The following LPP variants were observed in gnomAD, a reference collection of about 807,000 sequenced individuals.
LPP encodes LIM domain containing preferred translocation partner in lipoma.
In LPP, 38 loss-of-function variants were observed where a neutral mutation model predicts 60.4. The ratio of observed to expected loss-of-function variants is 0.63; its 90% CI spans 0.49 to 0.83. The LOEUF (loss-of-function observed/expected upper bound fraction) is 0.83. Ranked by LOEUF, LPP falls within the 40% of genes least tolerant of loss-of-function variation. The probability of loss-of-function intolerance (pLI) is 0.00; values close to 1 mark genes in which losing one functional copy is unlikely to be tolerated. For missense variants in LPP, 902 were observed against 783.6 expected (o/e 1.15, Z -1.80); for synonymous variants, 328 against 290.8 (o/e 1.13, Z -1.30).
chr3:188,633,130 T>C (rs1180650438), intron 7 of LPP, among the ~76,000 whole-genome samples: 9 of 152,184 alleles, frequency 5.9e-5, no homozygotes, highest in African/African-American at 1.9e-4. Flanking sequence ...GTTGATTACT[T>C]CAATCTTGAA....
intron 9 of LPP, among the ~76,000 whole-genome samples, chr3:188,792,286 G>C (rs1744017399): frequency 6.6e-6 from 1 of 152,220 alleles, no homozygotes; most frequent in East Asian, 1.9e-4. Context: ...CTTAGTTTCA[G>C]CTCCAATCAG....
intron 6 of LPP, among the ~76,000 whole-genome samples, chr3:188,581,224 A>G (rs879461491): frequency 4.6e-5 from 7 of 152,038 alleles, no homozygotes; most frequent in African/African-American, 7.2e-5. Flanking sequence ...ATAAAGGTTC[A>G]AGCAGAACCA....
At chr3:188,210,728 G>T (rs944096493) in intron 1 of LPP, among the ~76,000 whole-genome samples, 6 of 152,160 alleles carry the variant, frequency 3.9e-5, no homozygotes, top group Admixed American at 1.3e-4. Context: ...TTGGTCTTTG[G>T]TTTTTAAAGC....
intron 9 of LPP, among the ~76,000 whole-genome samples, chr3:188,791,427 ATG>A (rs1236857569): frequency 3.6e-5 from 4 of 112,460 alleles, no homozygotes; most frequent in African/African-American, 9.5e-5. Context: ...ACTTCTTCAC[ATG>A]TTTCTGTTTC....
At chr3:188,205,277 CTTTTTTTTTTTT>C (rs34713244) in intron 1 of LPP, among the ~76,000 whole-genome samples, 4 of 103,418 alleles carry the variant, frequency 3.9e-5, no homozygotes, top group African/African-American at 1.1e-4. Context: ...AGATTATAAT[CTTTTTTTTTTTT>C]TTTTTTTTTT....
chr3:188,470,879 G>C (rs891376350), intron 4 of LPP, among the ~76,000 whole-genome samples: 8 of 152,154 alleles, frequency 5.3e-5, no homozygotes, highest in Non-Finnish European at 8.8e-5. Flanking sequence ...TGCAGTATTA[G>C]TCTCAAAGGA....
chr3:188,805,181 A>G (rs1748706089), intron 9 of LPP, among the ~76,000 whole-genome samples: 1 of 151,914 alleles, frequency 6.6e-6, no homozygotes, highest in Non-Finnish European at 1.5e-5. Flanking sequence ...ATTTGACTAG[A>G]TTTGTTATCA....
intron 7 of LPP, among the ~76,000 whole-genome samples, chr3:188,614,774 A>G (rs1560646644): frequency 6.6e-6 from 1 of 152,252 alleles, no homozygotes; most frequent in South Asian, 2.1e-4. Flanking sequence ...GCCAGTGTAC[A>G]TGGCTCCACT....
At chr3:188,260,657 T>C (rs1733274724) in intron 2 of LPP, among the ~76,000 whole-genome samples, 1 of 152,128 alleles carries the variant, frequency 6.6e-6, no homozygotes, top group Admixed American at 6.5e-5. Flanking sequence ...GTTGTTGTTT[T>C]TTAAGGCAAC....
At chr3:188,439,049 G>A (rs943587058) in intron 4 of LPP, among the ~76,000 whole-genome samples, 11 of 152,066 alleles carry the variant, frequency 7.2e-5, no homozygotes, top group Non-Finnish European at 1.3e-4. Context: ...AAAGAACTCT[G>A]CAAATTGTTA....
intron 6 of LPP, among the ~76,000 whole-genome samples, chr3:188,554,613 C>T (rs1829025211): frequency 6.6e-6 from 1 of 152,186 alleles, no homozygotes; most frequent in African/African-American, 2.4e-5. Context: ...ACAGCTGCCT[C>T]CCAAGTTTAA....
At chr3:188,229,050 G>A (rs1462063641) in intron 2 of LPP, among the ~76,000 whole-genome samples, 1 of 152,150 alleles carries the variant, frequency 6.6e-6, no homozygotes, top group Non-Finnish European at 1.5e-5. Context: ...TTCCTCCTCC[G>A]GGTTGGATGG....
At chr3:188,515,811 G>A (rs181717194) in intron 5 of LPP, among the ~76,000 whole-genome samples, 6 of 152,290 alleles carry the variant, frequency 3.9e-5, no homozygotes, top group African/African-American at 1.2e-4. Context: ...GGATTTTAGG[G>A]AAGGGGACTG....
chr3:188,494,755 C>A (rs933577961), intron 5 of LPP, among the ~76,000 whole-genome samples: 2 of 152,024 alleles, frequency 1.3e-5, no homozygotes, highest in Admixed American at 1.3e-4. Context: ...TTCCTGGGTA[C>A]ACATCTGGCT....
At chr3:188,448,796 G>T (rs1165096616) in intron 4 of LPP, among the ~76,000 whole-genome samples, 3 of 152,102 alleles carry the variant, frequency 2.0e-5, no homozygotes, top group Non-Finnish European at 4.4e-5. Context: ...TGTGTCTGAG[G>T]CTTTTTATGT....
chr3:188,208,189 G>C (rs1733821165), intron 1 of LPP: 1 of 152,208 alleles, frequency 6.6e-6, no homozygotes. Flanking sequence ...AGATGACTTG[G>C]CTCTTTTCAG....
chr3:188,750,656 T>C (rs1040349382), intron 8 of LPP, among the ~76,000 whole-genome samples: 10 of 152,142 alleles, frequency 6.6e-5, no homozygotes, highest in Non-Finnish European at 1.5e-4. Flanking sequence ...AAAAGTTTAC[T>C]ATCCAGAGAA....
chr3:188,609,393 T>C lies in LPP; in HGVS notation c.662T>C (p.Phe221Ser), dbSNP rs1481164883. 1 of 1,614,116 alleles carries C rather than the reference T, an allele frequency of 6.2e-7. No homozygotes were observed. The highest frequency in any genetic ancestry group is 8.5e-7 in the Non-Finnish European group (1 of 1,180,006). The change falls in exon 7 of 12, where the codon TTT becomes TCT. Residue 221 changes from phenylalanine (F) to serine (S), a missense_variant. Phe to Ser is a radical substitution (Grantham distance 155). Transcript: ENST00000617246. The surrounding 1 kb of genome is among the most constrained non-coding windows in gnomAD (Gnocchi z 6.9). ...TTASTSSRPT[F>S]NVQVKSAQPS... ...GCCTCCACTTCTTCAAGGCCTACCT[T>C]TAATGTGCAGGTGAAGTCAGCCCAG... is the stretch of plus-strand genomic sequence containing the variant.
chr3:188,242,527 T>C (rs533309890), intron 2 of LPP, among the ~76,000 whole-genome samples: 143 of 152,212 alleles, frequency 9.4e-4, no homozygotes, highest in Non-Finnish European at 1.6e-3. Flanking sequence ...ATTCAACAAA[T>C]ACACACCAGG....
Sources: allele counts gnomAD v4.1 joint callset (sites outside exome capture counted in the v4.1 genomes callset), GRCh38; gene constraint gnomAD v4.1.1; non-coding constraint Gnocchi (gnomAD v3.1); transcripts MANE v1.5; gene names NCBI Gene and HGNC (gene_info 2026-07-23, HGNC 2026-07-21).